Variants in CANT1 observed in about 807,000 individuals in gnomAD.
The protein encoded by CANT1 is soluble calcium-activated nucleotidase 1.
CANT1 carries 26 observed loss-of-function variants against 30.0 expected under a neutral mutation model. The observed-to-expected ratio is 0.87, with a 90% CI of 0.64 to 1.20. The LOEUF (loss-of-function observed/expected upper bound fraction) is 1.20. Ranked by LOEUF, CANT1 falls within the 50% of genes most tolerant of loss-of-function variation. The pLI, the probability that CANT1 is intolerant of heterozygous loss-of-function variation, is 0.00. For synonymous variants in CANT1, 246 were observed against 251.8 expected, an observed-to-expected ratio of 0.98 and a Z score of 0.22; for missense variants, 518 against 563.0, an observed-to-expected ratio of 0.92 and a Z score of 0.81.
At chr17:79,007,728 C>T (rs550823592) in intron 1 of CANT1, among the ~76,000 whole-genome samples, 3 of 152,274 alleles carry the variant, frequency 2.0e-5, no homozygotes, top group South Asian at 2.1e-4. Flanking sequence ...TGCACAGTGA[C>T]GGGTGAGTGA....
intron 1 of CANT1, among the ~76,000 whole-genome samples, chr17:79,000,826 C>T (rs373163244): frequency 1.4e-3 from 211 of 152,326 alleles, no homozygotes; most frequent in African/African-American, 3.8e-3. Context: ...CATGCCGCTC[C>T]GGCTCTCCCA....
At chr17:79,001,426 C>G (rs922547979) in intron 1 of CANT1, among the ~76,000 whole-genome samples, 2 of 152,148 alleles carry the variant, frequency 1.3e-5, no homozygotes, top group African/African-American at 2.4e-5. Flanking sequence ...CACAGGCTGC[C>G]CCAAGTCGCC....
rs554948457 is a variant in CANT1, at chr17:79,001,638, T to C, written c.-146-3675A>G. Among the ~76,000 whole-genome samples, 90 of 134,402 alleles carry C rather than the reference T, an allele frequency of 6.7e-4. 1 individual carries two copies. Among genetic ancestry groups the C allele is most frequent in the African/African-American group, 2.4e-3 (88 of 36,304 alleles). The allele number at this position is 134,402 out of a possible 152,430, so 88.2% of individuals were successfully genotyped here. A position where few individuals can be genotyped will look rare whatever the true frequency, so the allele number is the denominator to read the frequency against. The stretch of plus-strand genomic sequence containing the variant: ...ACACCCTCTCCTTCCCTCTGGCTAA[T>C]CCTCAGAAGCAGCCACCTGAAGCCT... On this transcript the variant is annotated intron_variant, in intron 1 of 4. Coordinates refer to ENST00000392446, the MANE Select transcript of CANT1 (RefSeq NM_001159773.2).
chr17:78,996,880 C>T lies in CANT1; in HGVS notation c.631+112G>A. ...AAGAGGGAGACGTGCTCCCTCACCA[C>T]ATCCCTGGCTTCTAGGTGTGTGAAT... On this transcript the variant is annotated intron_variant, in intron 3 of 4. Coordinates refer to ENST00000392446, the MANE Select transcript of CANT1 (RefSeq NM_001159773.2). This position sits in a 1 kb window ranked among gnomAD's most constrained non-coding sequence, Gnocchi z 5.1. 1 of 1,465,486 alleles carries T rather than the reference C, an allele frequency of 6.8e-7. No homozygotes were observed. Among genetic ancestry groups the T allele is most frequent in the African/African-American group, 1.4e-5 (1 of 72,224 alleles). The allele number at this position is 1,465,486 out of a possible 1,614,324, so 90.8% of individuals were successfully genotyped here. A position where few individuals can be genotyped will look rare whatever the true frequency, so the allele number is the denominator to read the frequency against.
rs767441598 is a variant in CANT1, at chr17:78,992,621, AG to A, written c.*928del. On this transcript the variant is annotated 3_prime_UTR_variant, in exon 5 of 5. Coordinates refer to ENST00000392446, the MANE Select transcript of CANT1 (RefSeq NM_001159773.2). Reference sequence around the variant, plus strand: ...ATAAAAAATTCAAGTCATTCACAGAAGTCTTGAAAGGCATGAGGATTTCTGA... The same window carrying A: ...ATAAAAAATTCAAGTCATTCACAGAATCTTGAAAGGCATGAGGATTTCTGA... The A allele has an allele frequency of 4.0e-5, 21 of 519,652 alleles. No homozygotes were observed. Among genetic ancestry groups the A allele is most frequent in the Non-Finnish European group, 7.5e-5 (20 of 265,384 alleles). 32.2% of individuals were successfully genotyped at this position (519,652 alleles called of 1,614,324 possible).
rs886053520 is a variant in CANT1, at chr17:78,992,071, G to T, written c.*1479C>A. 1 of 232,140 alleles carries T rather than the reference G, an allele frequency of 4.3e-6. No homozygotes were observed. The highest frequency in any genetic ancestry group is 5.6e-5 in the Admixed American group (1 of 17,740). 14.4% of individuals were successfully genotyped at this position (232,140 alleles called of 1,614,324 possible). On this transcript the variant is annotated 3_prime_UTR_variant, in exon 5 of 5. Transcript: ENST00000392446. ...AACAGACTTGGGGCTTCCAGGCTAT[G>T]CCCGGTGACAGCTGAGCTCTTCAGA...
At position 78,994,969 on chromosome 17, in the gene CANT1, C is replaced by T. The variant is rs370862938; in HGVS notation, c.835+49G>A. On this transcript the variant is annotated intron_variant, in intron 4 of 4. Coordinates refer to ENST00000392446, the MANE Select transcript of CANT1 (RefSeq NM_001159773.2). ...AATGCAGGAGGAAGCAGGTTCCCAGCGACTGGGCTGTGGAAGCCACACTGT... is the reference window on the plus strand; with the variant it reads ...AATGCAGGAGGAAGCAGGTTCCCAGTGACTGGGCTGTGGAAGCCACACTGT... 1.0e-3 allele frequency: 1,571 copies of T among 1,529,628 alleles called. 14 individuals carry two copies. The South Asian group carries it at 0.011, about 10-fold the overall frequency. 94.8% of individuals were successfully genotyped at this position (1,529,628 alleles called of 1,614,324 possible).
chr17:78,993,464 A>C lies in CANT1; in HGVS notation c.*86T>G, dbSNP rs1421102287. The C allele has an allele frequency of 6.3e-6, 10 of 1,598,302 alleles. No individual in the cohort carries two copies. Among genetic ancestry groups the C allele is most frequent in the Non-Finnish European group, 6.0e-6 (7 of 1,170,484 alleles). ...ACCTCCAACCCAGGCACAGTTCCAA[A>C]AAGAACAAAACAAAACAAAAGTGCA... On this transcript the variant is annotated 3_prime_UTR_variant, in exon 5 of 5. Transcript: ENST00000392446. This position sits in a 1 kb window ranked among gnomAD's most constrained non-coding sequence, Gnocchi z 4.5.
chr17:78,994,580 C>T (rs2070962098), intron 4 of CANT1, among the ~76,000 whole-genome samples: 1 of 152,168 alleles, frequency 6.6e-6, no homozygotes, highest in African/African-American at 2.4e-5. Flanking sequence ...CTGAGGGAAG[C>T]CACCATCAGA....
rs2070914456 is a variant in CANT1 at position 78,993,658 on chromosome 17, G to T, written c.1098C>A (p.Asp366Glu). Reference protein sequence around the residue: ...QIIVALKSEEDSGRVASYIMA... With the variant: ...QIIVALKSEEESGRVASYIMA... ...TGATGTAGGAGGCGACTCTGCCGCT[G>T]TCCTCCTCGGATTTGAGGGCCACAA... The change falls in exon 5 of 5, where the codon GAC becomes GAA. Residue 366 changes from aspartate (D) to glutamate (E), a missense_variant. Asp to Glu is a conservative substitution (Grantham distance 45). Coordinates refer to ENST00000392446, the MANE Select transcript of CANT1 (RefSeq NM_001159773.2). The surrounding 1 kb of genome is among the most constrained non-coding windows in gnomAD (Gnocchi z 4.5). The T allele has an allele frequency of 6.2e-7, 1 of 1,614,134 alleles. No individual in the cohort carries two copies.
In CANT1 at chr17:78,996,546, A is replaced by G. The variant is rs2071039962; in HGVS notation, c.631+446T>C. ...TTCAGGGAGAGGAGGGCTGGGCAGC[A>G]GTTTACCCTTCAGTAACATGAAACC... On this transcript the variant is annotated intron_variant, in intron 3 of 4. Transcript: ENST00000392446. This position sits in a 1 kb window ranked among gnomAD's most constrained non-coding sequence, Gnocchi z 5.1. Among the ~76,000 whole-genome samples, 1 of 152,216 alleles carries G rather than the reference A, an allele frequency of 6.6e-6. No homozygotes were observed. Among genetic ancestry groups the G allele is most frequent in the Non-Finnish European group, 1.5e-5 (1 of 68,038 alleles).
intron 1 of CANT1, among the ~76,000 whole-genome samples, chr17:79,009,036 T>C (rs2071648416): frequency 6.6e-6 from 1 of 152,000 alleles, no homozygotes; most frequent in Non-Finnish European, 1.5e-5. Context: ...GTATTTGAAG[T>C]CAGAAGGTGG....
chr17:79,000,028 TC>T (rs1174927444), intron 1 of CANT1: 1 of 153,338 alleles, frequency 6.5e-6, no homozygotes, highest in African/African-American at 2.4e-5. Flanking sequence ...ACTCCTGGGC[TC>T]AAGTGATCCT....
chr17:78,993,829 C>G lies in CANT1; in HGVS notation c.927G>C (p.Glu309Asp). 6.2e-7 allele frequency: 1 copy of G among 1,604,972 alleles called. No individual in the cohort carries two copies. Among genetic ancestry groups the G allele is most frequent in the Non-Finnish European group, 8.5e-7 (1 of 1,176,812 alleles). ...TGGCGCCCTTGCGCTCGTCGTCCTT[C>G]TCGCTGTAGCGCTCCTGGCTGGCGC... ...PRRASQERYSEKDDERKGANL... is the reference protein window; with the variant it reads ...PRRASQERYSDKDDERKGANL... The change falls in exon 5 of 5, where the codon GAG becomes GAC. Residue 309 changes from glutamate to aspartate, a missense_variant. By Grantham distance (45) the Glu-to-Asp change is conservative (BLOSUM62 2). This residue lies in a region of CANT1 where 221 missense variants were observed against 211.8 expected (regional missense o/e 1.04). Transcript: ENST00000392446. The surrounding 1 kb of genome is among the most constrained non-coding windows in gnomAD (Gnocchi z 4.5).
Position 78,993,937 on chromosome 17 carries a change from C to A in CANT1, c.836-17G>T. Reference sequence around the variant, plus strand: ...TGAGGTAGCCTGGGAACCGGGTGACCGCGGGTCAGACACGCATGCGGCCTG... The same window carrying A: ...TGAGGTAGCCTGGGAACCGGGTGACAGCGGGTCAGACACGCATGCGGCCTG... On this transcript the variant is annotated splice_polypyrimidine_tract_variant and intron_variant, in intron 4 of 4. Transcript: ENST00000392446. This position sits in a 1 kb window ranked among gnomAD's most constrained non-coding sequence, Gnocchi z 4.5. The A allele has an allele frequency of 6.4e-7, 1 of 1,559,682 alleles. No homozygotes were observed. The highest frequency in any genetic ancestry group is 8.6e-7 in the Non-Finnish European group (1 of 1,160,488).
At position 78,992,209 on chromosome 17, in the gene CANT1, GTGCT is replaced by G; in HGVS notation, c.*1337_*1340del. On this transcript the variant is annotated 3_prime_UTR_variant, in exon 5 of 5. Coordinates refer to ENST00000392446, the MANE Select transcript of CANT1 (RefSeq NM_001159773.2). ...CCTCCTCGCTGCCCTCCTCGCAGCT[GTGCT>G]TGAGTTTCAAAGGGGGAGAGGTTTG... 1 of 233,182 alleles carries G rather than the reference GTGCT, an allele frequency of 4.3e-6. No individual in the cohort carries two copies. The highest frequency in any genetic ancestry group is 8.5e-6 in the Non-Finnish European group (1 of 118,026). The allele number at this position is 233,182 out of a possible 1,614,324, so 14.4% of individuals were successfully genotyped here. A position where few individuals can be genotyped will look rare whatever the true frequency, so the allele number is the denominator to read the frequency against.
chr17:78,992,233 G>A lies in CANT1; in HGVS notation c.*1317C>T, dbSNP rs1024332547. Reference sequence around the variant, plus strand: ...TGTGCTTGAGTTTCAAAGGGGGAGAGGTTTGTGAGGGACCGGCACAGGGAC... The same window carrying A: ...TGTGCTTGAGTTTCAAAGGGGGAGAAGTTTGTGAGGGACCGGCACAGGGAC... On this transcript the variant is annotated 3_prime_UTR_variant, in exon 5 of 5. Transcript: ENST00000392446. The A allele has an allele frequency of 4.3e-6, 1 of 233,430 alleles. No homozygotes were observed. Among genetic ancestry groups the A allele is most frequent in the African/African-American group, 2.2e-5 (1 of 45,284 alleles). 14.5% of individuals were successfully genotyped at this position (233,430 alleles called of 1,614,324 possible).
Position 78,997,734 on chromosome 17 carries a change from CTT to C in CANT1, c.-22-92_-22-91del, listed in dbSNP as rs2071092488. ...GGAAGCTGCAGGCGCTGGAGGCTGACTTTTCCAGAAGAAACAGTATTTCACTA... is the reference window on the plus strand; with the variant it reads ...GGAAGCTGCAGGCGCTGGAGGCTGACTTCCAGAAGAAACAGTATTTCACTA... On this transcript the variant is annotated intron_variant, in intron 2 of 4. Coordinates refer to ENST00000392446, the MANE Select transcript of CANT1 (RefSeq NM_001159773.2). This position sits in a 1 kb window ranked among gnomAD's most constrained non-coding sequence, Gnocchi z 7.5. 8.4e-7 allele frequency: 1 copy of C among 1,185,078 alleles called. No homozygotes were observed. Among genetic ancestry groups the C allele is most frequent in the African/African-American group, 1.5e-5 (1 of 64,748 alleles). The allele number at this position is 1,185,078 out of a possible 1,614,324, so 73.4% of individuals were successfully genotyped here.
At chr17:79,009,069 G>C (rs1348761713) in intron 1 of CANT1, among the ~76,000 whole-genome samples, 2 of 152,194 alleles carry the variant, frequency 1.3e-5, no homozygotes, top group African/African-American at 4.8e-5. Context: ...ATTCCCAGGA[G>C]GGGTGCCCCA....
Sources: allele counts gnomAD v4.1 joint callset (sites outside exome capture counted in the v4.1 genomes callset), GRCh38; gene constraint gnomAD v4.1.1; regional missense constraint gnomAD v4.1.1; non-coding constraint Gnocchi (gnomAD v3.1); transcripts MANE v1.5; gene names NCBI Gene and HGNC (gene_info 2026-07-23, HGNC 2026-07-21).